The following PLEKHN1 variants were observed in gnomAD, a reference collection of about 807,000 sequenced individuals.
The protein encoded by PLEKHN1 is pleckstrin homology domain containing N1, also known as pleckstrin homology domain-containing family N member 1.
In PLEKHN1, 68 loss-of-function variants were observed where a neutral mutation model predicts 72.8. The observed-to-expected ratio is 0.93, with a 90% confidence interval of 0.77 to 1.14. The LOEUF is 1.14. Ranked by LOEUF, PLEKHN1 falls within the 50% of genes most tolerant of loss-of-function variation. The pLI, the probability that PLEKHN1 is intolerant of heterozygous loss-of-function variation, is 0.00. For synonymous variants in PLEKHN1, 454 were observed against 371.6 expected (o/e 1.22, Z -2.55); for missense variants, 1,015 against 840.5 (o/e 1.21, Z -2.57).
chr1:974,156 A>C, intron 14 of PLEKHN1, 105 bp downstream of exon 14: 2 of 1,481,130 alleles, frequency 1.4e-6, no homozygotes, highest in Non-Finnish European at 1.8e-6. Context: ...AAACAGGAGG[A>C]CGGGGGCAGA....
Position 970,740 on chromosome 1 carries a change from C to CAT in PLEKHN1, c.467_468insTA (p.Ala157ThrfsTer52). On this transcript the variant is annotated frameshift_variant, in exon 5 of 16. Coordinates refer to ENST00000379410, the MANE Select transcript of PLEKHN1 (RefSeq NM_032129.3). LOFTEE classifies it high-confidence loss of function. This position sits in a 1 kb window ranked among gnomAD's most constrained non-coding sequence, Gnocchi z 4.2. Reference sequence around the variant, plus strand: ...CTGCCCGCTCGAGGGGTCCCGAGAGCACGCCTTCCAGATCACAGGTGTTTG... The same window carrying CAT: ...CTGCCCGCTCGAGGGGTCCCGAGAGCATACGCCTTCCAGATCACAGGTGTTTG... The CAT allele has an allele frequency of 6.2e-7, 1 of 1,609,252 alleles. No homozygotes were observed. The highest frequency in any genetic ancestry group is 8.5e-7 in the Non-Finnish European group (1 of 1,177,544).
At position 966,794 on chromosome 1, in the gene PLEKHN1, C is replaced by T. The variant is rs1399782460; in HGVS notation, c.174C>T (p.Ile58=). The part of the protein sequence containing the change: ...DAAANKLFHY[I]PGTDILDLEN... ...CCGCCAACAAGCTCTTCCACTACATCCCGGGCACGGTGAGCGCGGCGTGCA... is the reference window on the plus strand; with the variant it reads ...CCGCCAACAAGCTCTTCCACTACATTCCGGGCACGGTGAGCGCGGCGTGCA... Residue 58 remains isoleucine (I), a synonymous_variant, in exon 2 of 16, where the codon ATC becomes ATT. Transcript: ENST00000379410. 1.9e-6 allele frequency: 3 copies of T among 1,563,920 alleles called. No homozygotes were observed. Among genetic ancestry groups the T allele is most frequent in the Non-Finnish European group, 2.6e-6 (3 of 1,156,006 alleles).
At position 972,399 on chromosome 1, in the gene PLEKHN1, G is replaced by T; in HGVS notation, c.977G>T (p.Gly326Val). 1 of 1,585,522 alleles carries T rather than the reference G, an allele frequency of 6.3e-7. No individual in the cohort carries two copies. The highest frequency in any genetic ancestry group is 8.6e-7 in the Non-Finnish European group (1 of 1,168,110). ...THREGAPPLP[G>V]AESFPGSQVM... ...AGGGAGGGGGCCCCGCCGCTGCCTG[G>T]TGCCGAGAGCTTCCCAGGGTCGCAG... Residue 326 changes from glycine to valine, a missense_variant, in exon 10 of 16, where the codon GGT becomes GTT. Coordinates refer to ENST00000379410, the MANE Select transcript of PLEKHN1 (RefSeq NM_032129.3).
rs1643231361 is a variant in PLEKHN1 at position 970,197 on chromosome 1, G to A, written c.184-80G>A. The A allele has an allele frequency of 6.7e-7, 1 of 1,496,812 alleles. No individual in the cohort carries two copies. Among genetic ancestry groups the A allele is most frequent in the Non-Finnish European group, 9.1e-7 (1 of 1,097,016 alleles). The allele number at this position is 1,496,812 out of a possible 1,614,324, so 92.7% of individuals were successfully genotyped here. A position where few individuals can be genotyped will look rare whatever the true frequency, so the allele number is the denominator to read the frequency against. On this transcript the variant is annotated intron_variant, in intron 2 of 15. Coordinates refer to ENST00000379410, the MANE Select transcript of PLEKHN1 (RefSeq NM_032129.3). This position sits in a 1 kb window ranked among gnomAD's most constrained non-coding sequence, Gnocchi z 4.2. ...CTATGCACAGGCAGACCATGCTATA[G>A]TCCTGTAGCTGTGTGGATGCGAGCG...
intron 8 of PLEKHN1, chr1:971,629 G>T (rs1570037539): frequency 3.3e-6 from 2 of 604,838 alleles, no homozygotes; most frequent in East Asian, 5.5e-5. Context: ...TCACCCTGGG[G>T]CGGGCAGCAT....
At position 973,204 on chromosome 1, in the gene PLEKHN1, C is replaced by T. The variant is rs757225927; in HGVS notation, c.1171C>T (p.Arg391Cys). 33 of 1,533,196 alleles carry T rather than the reference C, an allele frequency of 2.2e-5. No homozygotes were observed. The highest frequency in any genetic ancestry group is 1.7e-4 in the Middle Eastern group (1 of 5,910). The allele number at this position is 1,533,196 out of a possible 1,614,324, so 95.0% of individuals were successfully genotyped here. A position where few individuals can be genotyped will look rare whatever the true frequency, so the allele number is the denominator to read the frequency against. The change falls in exon 12 of 16, where the codon CGT becomes TGT. Residue 391 changes from arginine (R) to cysteine (C), a missense_variant. Transcript: ENST00000379410. ...CCCACAGGACCAGGCCAACTCTGAC[C>T]GTGCCAGCATTGGCCGACGGAGGAC... ...QHTPDQANSD[R>C]ASIGRRRTEL... is the part of the protein sequence containing the mutation.
chr1:970,892 A>AC lies in PLEKHN1; in HGVS notation c.502dup (p.Leu168ProfsTer121), dbSNP rs754686552. The AC allele has an allele frequency of 1.2e-6, 2 of 1,610,132 alleles. No individual in the cohort carries two copies. The highest frequency in any genetic ancestry group is 8.5e-7 in the Non-Finnish European group (1 of 1,179,634). ...CCCTGCCCGCAGGCCCACTGCCCGC[A>AC]CCCCTCCTGGTGCTCTGCCCCAGCC... On this transcript the variant is annotated frameshift_variant, in exon 6 of 16. Coordinates refer to ENST00000379410, the MANE Select transcript of PLEKHN1 (RefSeq NM_032129.3). LOFTEE classifies it high-confidence loss of function. This position sits in a 1 kb window ranked among gnomAD's most constrained non-coding sequence, Gnocchi z 4.2.
At position 966,581 on chromosome 1, in the gene PLEKHN1, C is replaced by A; in HGVS notation, c.50C>A (p.Ser17Tyr). ...CAGGCCCCCAGGAGGCTCCGGGCCT[C>A]CTTCTCCAGAAAGCCCTCGCTGAAG... The part of the protein sequence containing the change: ...VPQAPRRLRA[S>Y]FSRKPSLKGN... The change falls in exon 1 of 16, where the codon TCC becomes TAC. Residue 17 changes from serine (S) to tyrosine (Y), a missense_variant. Ser to Tyr is a moderately radical substitution (Grantham distance 144). Coordinates refer to ENST00000379410, the MANE Select transcript of PLEKHN1 (RefSeq NM_032129.3). 6.2e-7 allele frequency: 1 copy of A among 1,611,022 alleles called. No individual in the cohort carries two copies. The highest frequency in any genetic ancestry group is 1.3e-5 in the African/African-American group (1 of 75,022).
rs571985642 is a variant in PLEKHN1 at position 972,897 on chromosome 1, G to A, written c.1039G>A (p.Gly347Arg). 7.7e-6 allele frequency: 12 copies of A among 1,559,144 alleles called. No homozygotes were observed. The highest frequency in any genetic ancestry group is 4.8e-5 in the East Asian group (2 of 41,870). Residue 347 changes from glycine to arginine, a missense_variant, in exon 11 of 16, where the codon GGA (glycine) becomes AGA (arginine). Gly to Arg is a moderately radical substitution (Grantham distance 125, BLOSUM62 -2). Coordinates refer to ENST00000379410, the MANE Select transcript of PLEKHN1 (RefSeq NM_032129.3). Reference protein sequence around the residue: ...GSGRGSLSSGGQTSWDSGCLA... With the variant: ...GSGRGSLSSGRQTSWDSGCLA... The stretch of plus-strand genomic sequence containing the variant: ...TGGCCGAGGCTCACTCTCCTCAGGC[G>A]GACAGACCAGCTGGGACTCGGGGTG...
chr1:966,849 G>C (rs1643014612), intron 2 of PLEKHN1, 46 bp downstream of exon 2: 2 of 1,512,446 alleles, frequency 1.3e-6, no homozygotes, highest in Non-Finnish European at 1.8e-6. Flanking sequence ...GCGTGGCTCT[G>C]CCCGCGCGTG....
At chr1:972,180 G>A (rs201865140) in intron 9 of PLEKHN1, 30 bp downstream of exon 9, 52 of 1,609,758 alleles carry the variant, frequency 3.2e-5, no homozygotes, top group East Asian at 2.0e-4. Context: ...TCTGCCTCCC[G>A]CCTGGCCAGG....
intron 10 of PLEKHN1, 69 bp from the exon 11 acceptor site, chr1:972,792 G>GT: frequency 6.9e-7 from 1 of 1,457,890 alleles, no homozygotes; most frequent in Non-Finnish European, 9.1e-7. Flanking sequence ...GGACAGCACG[G>GT]TGGGTCCAGG....
chr1:973,793 C>T, intron 13 of PLEKHN1, 40 bp from the exon 14 acceptor site: 2 of 1,592,552 alleles, frequency 1.3e-6, no homozygotes, highest in Non-Finnish European at 1.7e-6. Context: ...CTGGGGGCCC[C>T]TGGCTGCCAC....
rs772414679 is a variant in PLEKHN1, at chr1:970,721, G to A, written c.447G>A (p.Pro149=). The A allele has an allele frequency of 8.1e-6, 13 of 1,602,102 alleles. No homozygotes were observed. The East Asian group carries it at 9.0e-5, about 11-fold the overall frequency. Residue 149 remains proline, a synonymous_variant, in exon 5 of 16, where the codon CCG becomes CCA. Coordinates refer to ENST00000379410, the MANE Select transcript of PLEKHN1 (RefSeq NM_032129.3). The surrounding 1 kb of genome is among the most constrained non-coding windows in gnomAD (Gnocchi z 4.2). ...CGCTGACGGAGCTGAGTGTCTGCCC[G>A]CTCGAGGGGTCCCGAGAGCACGCCT... is the stretch of plus-strand genomic sequence containing the variant. ...LLPLTELSVC[P]LEGSREHAFQ... is the part of the protein sequence containing the mutation.
Position 972,395 on chromosome 1 carries a change from C to T in PLEKHN1, c.973C>T (p.Pro325Ser). Residue 325 changes from proline (P) to serine (S), a missense_variant, in exon 10 of 16, where the codon CCT (proline) becomes TCT (serine). By Grantham distance (74) the Pro-to-Ser change is moderately conservative. Coordinates refer to ENST00000379410, the MANE Select transcript of PLEKHN1 (RefSeq NM_032129.3). ...CCACAGGGAGGGGGCCCCGCCGCTG[C>T]CTGGTGCCGAGAGCTTCCCAGGGTC... is the stretch of plus-strand genomic sequence containing the variant. ...VTHREGAPPL[P>S]GAESFPGSQV... is the part of the protein sequence containing the mutation. 1.3e-6 allele frequency: 2 copies of T among 1,586,668 alleles called. No individual in the cohort carries two copies. Among genetic ancestry groups the T allele is most frequent in the African/African-American group, 1.3e-5 (1 of 74,662 alleles).
chr1:972,485 A>C, intron 10 of PLEKHN1, 61 bp downstream of exon 10: 1 of 1,483,558 alleles, frequency 6.7e-7, no homozygotes, highest in Non-Finnish European at 9.0e-7. Context: ...GGGGCAGCAG[A>C]CCGGGCGTGG....
rs1429144605 is a variant in PLEKHN1, at chr1:973,533, G to A, written c.1327G>A (p.Ala443Thr). 3.1e-6 allele frequency: 5 copies of A among 1,613,104 alleles called. No homozygotes were observed. Among genetic ancestry groups the A allele is most frequent in the East Asian group, 2.2e-5 (1 of 44,894 alleles). The change falls in exon 13 of 16, where the codon GCC becomes ACC. Residue 443 changes from alanine to threonine, a missense_variant. Transcript: ENST00000379410. ...GCTGAGCCTGGAGAGCAGCCCAGATGCCCCTGACCACACTTCGGAAACATC... is the reference window on the plus strand; with the variant it reads ...GCTGAGCCTGGAGAGCAGCCCAGATACCCCTGACCACACTTCGGAAACATC... ...HRLSLESSPDAPDHTSETSHS... is the reference protein window; with the variant it reads ...HRLSLESSPDTPDHTSETSHS...
chr1:974,050 T>A lies in PLEKHN1; in HGVS notation c.1652T>A (p.Leu551His). 1 of 1,579,446 alleles carries A rather than the reference T, an allele frequency of 6.3e-7. No homozygotes were observed. Among genetic ancestry groups the A allele is most frequent in the South Asian group, 1.1e-5 (1 of 88,100 alleles). The change falls in exon 14 of 16, where the codon CTT becomes CAT. Residue 551 changes from leucine (L) to histidine (H), a missense_variant and splice_region_variant. Leu to His is a moderately conservative substitution (Grantham distance 99). Coordinates refer to ENST00000379410, the MANE Select transcript of PLEKHN1 (RefSeq NM_032129.3). ...CCGCAGCCCCCAGACGCCCCTCAGC[T>A]TGTGAGTAGCAGCCCCCACGCCCGT... ...GGPQPPDAPQ[L>H]VSSAREGSPE...
rs144540961 is a variant in PLEKHN1 at position 974,479 on chromosome 1, C to T, written c.1740C>T (p.Tyr580=). The change falls in exon 16 of 16, where the codon TAC becomes TAT. Residue 580 remains tyrosine, a synonymous_variant. Coordinates refer to ENST00000379410, the MANE Select transcript of PLEKHN1 (RefSeq NM_032129.3). Reference sequence around the variant, plus strand: ...CCAGGAGGAGCCGGGACCCCGGCTACGACCACCTCTGGGACGAGACTTTGT... The same window carrying T: ...CCAGGAGGAGCCGGGACCCCGGCTATGACCACCTCTGGGACGAGACTTTGT... ...RSPRRSRDPG[Y]DHLWDETLSS... The T allele has an allele frequency of 2.0e-4, 327 of 1,612,628 alleles. No homozygotes were observed. The highest frequency in any genetic ancestry group is 2.5e-4 in the Non-Finnish European group (294 of 1,179,964).
Sources: gnomAD v4.1 joint callset for allele counts on GRCh38, gnomAD v4.1.1 for gene constraint, Gnocchi (gnomAD v3.1) non-coding constraint, MANE v1.5 for transcripts, NCBI Gene and HGNC (gene_info 2026-07-23, HGNC 2026-07-21) for gene names.